Variants in NBAS observed in about 807,000 individuals in gnomAD.
The protein encoded by NBAS is NAG/BC035112 fusion.
NBAS carries 219 observed loss-of-function variants against 302.5 expected under a neutral mutation model. The observed-to-expected ratio is 0.72, with a 90% CI of 0.65 to 0.81. NBAS has a LOEUF of 0.81. Ranked by LOEUF, NBAS falls within the 30% of genes least tolerant of loss-of-function variation. NBAS has a pLI of 0.00. For missense variants in NBAS, 2,932 were observed against 2,841.6 expected (o/e 1.03, Z -0.72); for synonymous variants, 1,118 against 1,021.6 (o/e 1.09, Z -1.80).
At chr2:15,362,916 T>C (rs772349943) in intron 32 of NBAS, among the ~76,000 whole-genome samples, 10 of 151,964 alleles carry the variant, frequency 6.6e-5, no homozygotes, top group Non-Finnish European at 1.5e-4. Flanking sequence ...AGGTTGAGGT[T>C]TTCCAGAAAG....
intron 51 of NBAS, among the ~76,000 whole-genome samples, chr2:15,171,661 C>T (rs781696950): frequency 6.6e-6 from 1 of 152,122 alleles, no homozygotes; most frequent in Non-Finnish European, 1.5e-5. Flanking sequence ...TGAACTGTGT[C>T]CCGCACAAAT....
At chr2:14,841,964 CA>C in the NBAS span, among the ~76,000 whole-genome samples, 5 of 151,298 alleles carry the variant, frequency 3.3e-5, no homozygotes, top group East Asian at 7.7e-4. Flanking sequence ...TCAAACAATT[CA>C]AAAAAAATAA....
At chr2:15,252,692 CCT>C (rs1668420513) in intron 44 of NBAS, among the ~76,000 whole-genome samples, 1 of 151,954 alleles carries the variant, frequency 6.6e-6, no homozygotes, top group African/African-American at 2.4e-5. Flanking sequence ...ACACAGATGT[CCT>C]CTCTTTATAG....
the NBAS span, among the ~76,000 whole-genome samples, chr2:14,835,849 A>C: frequency 5.3e-5 from 8 of 151,992 alleles, no homozygotes; most frequent in Non-Finnish European, 1.0e-4. Context: ...TGCTAGGTTA[A>C]AAGATTGCAT....
At chr2:15,356,973 A>G (rs1277154698) in intron 32 of NBAS, among the ~76,000 whole-genome samples, 1 of 152,200 alleles carries the variant, frequency 6.6e-6, no homozygotes, top group Non-Finnish European at 1.5e-5. Flanking sequence ...TTGAGAGCCC[A>G]ATTTTAGCAC....
chr2:14,900,429 T>C, the NBAS span, among the ~76,000 whole-genome samples: 1 of 152,220 alleles, frequency 6.6e-6, no homozygotes, highest in South Asian at 2.1e-4. Flanking sequence ...TTTTGCCTTT[T>C]TTGTACAGGT....
chr2:15,471,863 C>T (rs751397333), intron 16 of NBAS, among the ~76,000 whole-genome samples: 7 of 152,070 alleles, frequency 4.6e-5, no homozygotes, highest in Non-Finnish European at 5.9e-5. Flanking sequence ...TCACCAGGAA[C>T]GAAATTGGCT....
At chr2:15,142,883 G>C in the NBAS span, among the ~76,000 whole-genome samples, 2 of 152,226 alleles carry the variant, frequency 1.3e-5, no homozygotes, top group Admixed American at 1.3e-4. Flanking sequence ...AACGTTAAAA[G>C]AAACATCCCT....
intron 44 of NBAS, among the ~76,000 whole-genome samples, chr2:15,247,180 G>A (rs561244508): frequency 3.9e-5 from 6 of 152,234 alleles, no homozygotes; most frequent in Admixed American, 1.3e-4. Context: ...AGATCCAGAC[G>A]CCAAGAGAGG....
At chr2:15,163,277 G>A (rs1572379926), downstream of NBAS, among the ~76,000 whole-genome samples, 1 of 152,198 alleles carries the variant, frequency 6.6e-6, no homozygotes, top group East Asian at 1.9e-4. Flanking sequence ...CTTCCCAGCA[G>A]GCCTTTCCAG....
chr2:14,957,972 A>G, the NBAS span, among the ~76,000 whole-genome samples: 113 of 152,306 alleles, frequency 7.4e-4, 2 homozygotes, highest in East Asian at 0.02. Flanking sequence ...CTGATTCTGG[A>G]TGATTCTCGA....
At chr2:15,034,026 A>G in the NBAS span, among the ~76,000 whole-genome samples, 20,018 of 47,716 alleles carry the variant, frequency 0.42, 3,493 homozygotes, top group African/African-American at 0.53. Context: ...AAGAAGAAGA[A>G]GAGGAGGAGG....
At chr2:15,194,126 C>A in intron 48 of NBAS, among the ~76,000 whole-genome samples, 1 of 151,870 alleles carries the variant, frequency 6.6e-6, no homozygotes, top group African/African-American at 2.4e-5. Context: ...GGAGAAAGAG[C>A]GTGAAGCTAA....
At chr2:14,850,842 C>T in the NBAS span, among the ~76,000 whole-genome samples, 3 of 104,970 alleles carry the variant, frequency 2.9e-5, no homozygotes, top group East Asian at 4.5e-4. Flanking sequence ...GGGTACATAA[C>T]GAAATGAAGG....
At chr2:15,454,909 A>ATTT (rs796180817) in intron 21 of NBAS, among the ~76,000 whole-genome samples, 1 of 125,076 alleles carries the variant, frequency 8.0e-6, no homozygotes, top group African/African-American at 2.7e-5. Flanking sequence ...CTATACTGCA[A>ATTT]TTTTTTTTTT....
intron 9 of NBAS, among the ~76,000 whole-genome samples, chr2:15,531,407 T>A (rs1026733721): frequency 6.6e-6 from 1 of 152,146 alleles, no homozygotes; most frequent in Admixed American, 6.5e-5. Flanking sequence ...TGATCTCGCA[T>A]GATCTCAGAA....
chr2:15,561,255 C>T lies in NBAS; in HGVS notation c.50G>A (p.Gly17Asp). The change falls in exon 1 of 52, where the codon GGT becomes GAT. Residue 17 changes from glycine (G) to aspartate (D), a missense_variant. Gly to Asp is a moderately conservative substitution (Grantham distance 94). Coordinates refer to ENST00000281513, the MANE Select transcript of NBAS (RefSeq NM_015909.4). Reference protein sequence around the residue: ...GPALSPGTAEGEEETILYDLL... With the variant: ...GPALSPGTAEDEEETILYDLL... ...GTCATAGAGAATCGTCTCCTCCTCA[C>T]CCTCTGCAGTGCCTGGACTCAAAGC... The T allele has an allele frequency of 3.1e-6, 5 of 1,614,042 alleles. No homozygotes were observed. The highest frequency in any genetic ancestry group is 4.2e-6 in the Non-Finnish European group (5 of 1,180,052).
intron 11 of NBAS, among the ~76,000 whole-genome samples, chr2:15,496,110 A>ACC (rs1419659094): frequency 6.6e-6 from 1 of 151,674 alleles, no homozygotes; most frequent in Non-Finnish European, 1.5e-5. Context: ...ACACACACAC[A>ACC]CACACACACA....
chr2:15,376,985 A>G (rs1674773918), intron 30 of NBAS, among the ~76,000 whole-genome samples: 1 of 152,182 alleles, frequency 6.6e-6, no homozygotes, highest in Admixed American at 6.5e-5. Flanking sequence ...CAAAGCACTA[A>G]AAAATATGAA....
Sources: gnomAD v4.1 joint callset for allele counts (sites outside exome capture counted in the v4.1 genomes callset) on GRCh38, gnomAD v4.1.1 for gene constraint, MANE v1.5 for transcripts, NCBI Gene and HGNC (gene_info 2026-07-23, HGNC 2026-07-21) for gene names.